Variants in MTOR observed in about 807,000 individuals in gnomAD.
MTOR encodes serine/threonine-protein kinase mTOR.
In MTOR, 70 loss-of-function variants were observed where a neutral mutation model predicts 319.8. The observed-to-expected ratio is 0.22, with a 90% CI of 0.18 to 0.27. MTOR has a LOEUF of 0.27. Among genes scored for constraint, MTOR ranks in the 10% least tolerant of loss-of-function variants. The pLI is 1.00. For synonymous variants in MTOR, 1,183 were observed against 1,211.4 expected (o/e 0.98, Z 0.49); for missense variants, 1,890 against 3,274.4 (o/e 0.58, Z 10.32).
chr1:11,172,994 T>A (rs1382085162), intron 28 of MTOR, among the ~76,000 whole-genome samples: 4 of 151,882 alleles, frequency 2.6e-5, no homozygotes, highest in Non-Finnish European at 5.9e-5. Flanking sequence ...ATCCACTCTC[T>A]TTTCTTTTTT....
rs774191838 is a variant in MTOR at position 11,228,640 on chromosome 1, GAGA to G, written c.3030+25_3030+27del. The G allele has an allele frequency of 5.6e-6, 9 of 1,608,904 alleles. No homozygotes were observed. In the African/African-American group the frequency reaches 6.7e-5, roughly 12 times the overall value. On this transcript the variant is annotated intron_variant, in intron 19 of 57. Coordinates refer to ENST00000361445, the MANE Select transcript of MTOR (RefSeq NM_004958.4). ...GTGCATGTGTGGTGCAGAGGAGAAAGAGAAGGATTGGGGTTTGAGGTACTTACT... is the reference window on the plus strand; with the variant it reads ...GTGCATGTGTGGTGCAGAGGAGAAAGAGGATTGGGGTTTGAGGTACTTACT...
At chr1:11,182,206 A>C (rs1645182815) in intron 28 of MTOR, among the ~76,000 whole-genome samples, 1 of 150,810 alleles carries the variant, frequency 6.6e-6, no homozygotes, top group Non-Finnish European at 1.5e-5. Flanking sequence ...AATAAGAGCG[A>C]AACTCCATCT....
intron 28 of MTOR, among the ~76,000 whole-genome samples, chr1:11,170,222 C>T (rs1285013006): frequency 6.6e-6 from 1 of 152,186 alleles, no homozygotes; most frequent in Non-Finnish European, 1.5e-5. Flanking sequence ...AAAAGCAAGT[C>T]TAAAGGGACC....
chr1:11,150,275 T>C (rs1193131886), intron 30 of MTOR, 49 bp from the exon 31 acceptor site: 4 of 1,514,546 alleles, frequency 2.6e-6, no homozygotes, highest in Non-Finnish European at 9.0e-7. Flanking sequence ...CTCCTTAAAC[T>C]ACCAATCTTC....
Position 11,238,170 on chromosome 1 carries a change from C to A in MTOR, c.2003-122G>T, listed in dbSNP as rs906996916. On this transcript the variant is annotated intron_variant, in intron 12 of 57. Transcript: ENST00000361445. ...ATTCCAGATGCTTTTTCTCATCTAACCTCTGTCATTCTTTTCTCTACTCAC... is the reference window on the plus strand; with the variant it reads ...ATTCCAGATGCTTTTTCTCATCTAAACTCTGTCATTCTTTTCTCTACTCAC... 1.1e-4 allele frequency: 113 copies of A among 1,007,608 alleles called. No homozygotes were observed. The Admixed American group carries it at 1.9e-3, about 17-fold the overall frequency. The allele number at this position is 1,007,608 out of a possible 1,614,324, so 62.4% of individuals were successfully genotyped here. A position where few individuals can be genotyped will look rare whatever the true frequency, so the allele number is the denominator to read the frequency against.
At chr1:11,250,086 C>G (rs1226709487) in intron 6 of MTOR, among the ~76,000 whole-genome samples, 536 of 122,392 alleles carry the variant, frequency 4.4e-3, no homozygotes, top group South Asian at 6.2e-3. Flanking sequence ...GGCGGCTGGC[C>G]GGGCAGAGGG....
intron 30 of MTOR, among the ~76,000 whole-genome samples, chr1:11,156,939 T>C (rs1307336452): frequency 2.6e-5 from 4 of 152,116 alleles, no homozygotes; most frequent in Admixed American, 6.5e-5. Context: ...TAGAGCATTA[T>C]AAAGTTTAAG....
At chr1:11,197,077 G>C (rs1645812007) in intron 28 of MTOR, among the ~76,000 whole-genome samples, 1 of 152,132 alleles carries the variant, frequency 6.6e-6, no homozygotes. Flanking sequence ...CAGGTAAGAT[G>C]TCTGGAATTT....
chr1:11,107,149 T>C lies in MTOR; in HGVS notation c.*336A>G. The C allele has an allele frequency of 1.4e-6, 2 of 1,386,980 alleles. No homozygotes were observed. The highest frequency in any genetic ancestry group is 1.9e-6 in the Non-Finnish European group (2 of 1,050,286). 85.9% of individuals were successfully genotyped at this position (1,386,980 alleles called of 1,614,324 possible). Reference sequence around the variant, plus strand: ...ACTAGGTCATTCTTCCATCAGCAAGTACTTATGATGAGTTCTCTTGTGAGT... The same window carrying C: ...ACTAGGTCATTCTTCCATCAGCAAGCACTTATGATGAGTTCTCTTGTGAGT... On this transcript the variant is annotated 3_prime_UTR_variant, in exon 58 of 58. Transcript: ENST00000361445.
intron 28 of MTOR, 125 bp from the exon 29 acceptor site, chr1:11,167,642 T>C (rs1351580820): frequency 1.4e-6 from 1 of 715,312 alleles, no homozygotes. Flanking sequence ...GCTGAAAGAG[T>C]ATCAATTATC....
intron 47 of MTOR, among the ~76,000 whole-genome samples, chr1:11,123,484 TGA>T (rs1642652572): frequency 6.6e-6 from 1 of 151,392 alleles, no homozygotes; most frequent in Admixed American, 6.6e-5. Flanking sequence ...CTTTATTTTT[TGA>T]GAGAAAGGGT....
At chr1:11,259,223 G>T in intron 2 of MTOR, 25 bp downstream of exon 2, 1 of 1,610,312 alleles carries the variant, frequency 6.2e-7, no homozygotes, top group South Asian at 1.1e-5. Context: ...ATCCCACAAT[G>T]ACTGGCCCCA....
intron 9 of MTOR, 60 bp downstream of exon 9, chr1:11,243,054 G>C (rs761037391): frequency 5.8e-5 from 92 of 1,588,468 alleles, no homozygotes; most frequent in Non-Finnish European, 7.8e-5. Context: ...ATCTGAAATA[G>C]AGCGTCCTTC....
intron 47 of MTOR, 33 bp from the exon 48 acceptor site, chr1:11,122,159 C>T (rs376791564): frequency 2.5e-6 from 4 of 1,613,090 alleles, no homozygotes; most frequent in Non-Finnish European, 3.4e-6. Context: ...GTTAGTGTAC[C>T]GTAAAGAGAG....
chr1:11,128,274 A>G lies in MTOR; in HGVS notation c.5911-148T>C. On this transcript the variant is annotated intron_variant, in intron 42 of 57. Transcript: ENST00000361445. The surrounding 1 kb of genome is among the most constrained non-coding windows in gnomAD (Gnocchi z 5.3). ...CAGGAAGGGGCTCAGTCTTCGAGGG[A>G]ACGCTTTCTTTTTAGCAAGGCTCCC... The G allele has an allele frequency of 7.4e-7, 1 of 1,345,874 alleles. No individual in the cohort carries two copies. Among genetic ancestry groups the G allele is most frequent in the South Asian group, 1.4e-5 (1 of 72,428 alleles). 83.4% of individuals were successfully genotyped at this position (1,345,874 alleles called of 1,614,324 possible). A position where few individuals can be genotyped will look rare whatever the true frequency, so the allele number is the denominator to read the frequency against.
chr1:11,169,389 G>T (rs1206421521), intron 28 of MTOR, among the ~76,000 whole-genome samples: 1 of 152,194 alleles, frequency 6.6e-6, no homozygotes, highest in Non-Finnish European at 1.5e-5. Context: ...TTTCCCCAAG[G>T]CCCACAGGAA....
intron 24 of MTOR, among the ~76,000 whole-genome samples, chr1:11,209,754 A>C (rs1199545034): frequency 2.6e-5 from 4 of 152,230 alleles, no homozygotes; most frequent in Non-Finnish European, 5.9e-5. Context: ...AAGTGTTTGG[A>C]GCAAAGGTGG....
chr1:11,225,666 C>T (rs897843371), intron 19 of MTOR, among the ~76,000 whole-genome samples: 1 of 152,150 alleles, frequency 6.6e-6, no homozygotes, highest in African/African-American at 2.4e-5. Context: ...AGATGATCCA[C>T]CCGCCTTGGC....
chr1:11,172,608 CGCCTATAACCCCA>C (rs1644854340), intron 28 of MTOR, among the ~76,000 whole-genome samples: 1 of 149,496 alleles, frequency 6.7e-6, no homozygotes, highest in Admixed American at 6.7e-5. Context: ...CGGTGGCTCA[CGCCTATAACCCCA>C]GCACTGTGGG....
Sources: gnomAD v4.1 joint callset for allele counts (sites outside exome capture counted in the v4.1 genomes callset) on GRCh38, gnomAD v4.1.1 for gene constraint, Gnocchi (gnomAD v3.1) non-coding constraint, MANE v1.5 for transcripts, NCBI Gene and HGNC (gene_info 2026-07-23, HGNC 2026-07-21) for gene names.